SHANK2: variants seen among roughly 807,000 people sequenced by gnomAD.
SHANK2 encodes SH3 and multiple ankyrin repeat domains 2.
In SHANK2, 43 loss-of-function variants were observed where a neutral mutation model predicts 133.7. That is an observed-to-expected ratio of 0.32 (90% CI 0.25 to 0.41). The LOEUF is 0.41. SHANK2 is among the 10% of genes least tolerant of loss of function. SHANK2 has a pLI of 1.00. For missense variants in SHANK2, 1,994 were observed against 2,235.8 expected (o/e 0.89, Z 2.18); for synonymous variants, 1,017 against 952.8 (o/e 1.07, Z -1.24).
chr11:71,140,278 C>G (rs1952529984), intron 3 of SHANK2, among the ~76,000 whole-genome samples: 2 of 152,146 alleles, frequency 1.3e-5, no homozygotes, highest in South Asian at 4.1e-4. Context: ...GAGACTAAAC[C>G]CTGAAGAGGC....
chr11:70,653,826 G>GT (rs1461042123), intron 17 of SHANK2, among the ~76,000 whole-genome samples: 3 of 152,122 alleles, frequency 2.0e-5, no homozygotes, highest in Non-Finnish European at 2.9e-5. Flanking sequence ...TAGAGACAGG[G>GT]TTTCACCATG....
chr11:71,189,565 G>GT (rs576567781), intron 2 of SHANK2, among the ~76,000 whole-genome samples: 9 of 152,090 alleles, frequency 5.9e-5, no homozygotes, highest in African/African-American at 1.2e-4. Context: ...ACCCAGCTAA[G>GT]TTTTTTTTAT....
At chr11:70,537,053 T>TG (rs1351223200) in intron 17 of SHANK2, among the ~76,000 whole-genome samples, 1 of 151,842 alleles carries the variant, frequency 6.6e-6, no homozygotes, top group Admixed American at 6.6e-5. Context: ...TGGGGAGGGG[T>TG]GGGGGCACGG....
In SHANK2 at chr11:70,501,927, A is replaced by G. The variant is rs1332845413; in HGVS notation, c.2283T>C (p.Asp761=). 3 of 1,559,816 alleles carry G rather than the reference A, an allele frequency of 1.9e-6. No individual in the cohort carries two copies. Among genetic ancestry groups the G allele is most frequent in the Middle Eastern group, 1.7e-4 (1 of 5,990 alleles). ...GGACCCAGTGGGGCTGCTTACCTTTATCCACTAGTGAGAGGCCCAAAAATT... is the reference window on the plus strand; with the variant it reads ...GGACCCAGTGGGGCTGCTTACCTTTGTCCACTAGTGAGAGGCCCAAAAATT... ...SMTSELEELV[D]KASVRKKKDK... is the part of the protein sequence containing the mutation. Residue 761 remains aspartate (D), a synonymous_variant, in exon 20 of 26, where the codon GAT becomes GAC. Transcript: ENST00000601538.
At chr11:70,498,391 C>T (rs2059003167) in intron 21 of SHANK2, among the ~76,000 whole-genome samples, 1 of 152,188 alleles carries the variant, frequency 6.6e-6, no homozygotes, top group Non-Finnish European at 1.5e-5. Flanking sequence ...GTGCTTGGAC[C>T]CTGGTGGACT....
intron 11 of SHANK2, among the ~76,000 whole-genome samples, chr11:70,888,304 G>GGACTCA (rs1949778774): frequency 6.6e-6 from 1 of 152,210 alleles, no homozygotes; most frequent in East Asian, 1.9e-4. Flanking sequence ...CCTGGCTTGA[G>GGACTCA]GACTCACGAC....
At chr11:70,864,126 G>A (rs782610072) in intron 11 of SHANK2, 2 of 258,144 alleles carry the variant, frequency 7.7e-6, no homozygotes, top group Non-Finnish European at 1.5e-5. Context: ...CTTGAGCTCT[G>A]GTCACCAAGG....
At chr11:70,481,193 A>G (rs1181413437) in intron 25 of SHANK2, among the ~76,000 whole-genome samples, 1 of 152,234 alleles carries the variant, frequency 6.6e-6, no homozygotes, top group Admixed American at 6.5e-5. Flanking sequence ...AGATGCCTCT[A>G]ATATGATGTA....
At chr11:70,592,847 G>A (rs6592642) in intron 17 of SHANK2, among the ~76,000 whole-genome samples, 50,334 of 152,084 alleles carry the variant, frequency 0.33, 9,537 homozygotes, top group African/African-American at 0.52. Flanking sequence ...CCGATGTCCA[G>A]CAGAGGGACA....
intron 11 of SHANK2, chr11:70,865,136 T>C (rs1184182043): frequency 6.6e-6 from 1 of 152,222 alleles, no homozygotes; most frequent in Non-Finnish European, 1.5e-5. Flanking sequence ...TCATGGTACT[T>C]TGCTGCAGTG....
At chr11:70,652,783 C>G (rs2134220444) in intron 17 of SHANK2, among the ~76,000 whole-genome samples, 1 of 152,276 alleles carries the variant, frequency 6.6e-6, no homozygotes, top group East Asian at 1.9e-4. Context: ...GCACTCCAGC[C>G]TGGGCAACAG....
intron 14 of SHANK2, among the ~76,000 whole-genome samples, chr11:70,730,320 T>C (rs892153225): frequency 6.6e-6 from 1 of 152,188 alleles, no homozygotes; most frequent in Admixed American, 6.5e-5. Context: ...ACTCCTGCCC[T>C]TGCACCTGCC....
chr11:70,916,152 AAT>A (rs751234199), intron 10 of SHANK2, among the ~76,000 whole-genome samples: 1 of 152,190 alleles, frequency 6.6e-6, no homozygotes, highest in Non-Finnish European at 1.5e-5. Flanking sequence ...TAAACCGGGC[AAT>A]GTGTCTACCT....
chr11:70,521,219 G>A (rs1268028916), intron 17 of SHANK2, among the ~76,000 whole-genome samples: 11 of 152,134 alleles, frequency 7.2e-5, no homozygotes, highest in Admixed American at 5.2e-4. Flanking sequence ...TGCCATTAAG[G>A]TCATGATCTA....
Position 70,937,328 on chromosome 11 carries a change from C to T in SHANK2, c.1108-40761G>A, listed in dbSNP as rs75215665. On this transcript the variant is annotated intron_variant, in intron 10 of 25. Transcript: ENST00000601538. ...TCCCCAAGTCATGTGGTAACAGGGA[C>T]GTGTCCAAAACAAAAGCCCCAAATG... Among the ~76,000 whole-genome samples, 186 of 152,318 alleles carry T rather than the reference C, an allele frequency of 1.2e-3. 1 individual carries two copies. The highest frequency in any genetic ancestry group is 4.3e-3 in the African/African-American group (179 of 41,580).
At chr11:70,950,095 T>C (rs1555086207) in intron 10 of SHANK2, 1 of 456,546 alleles carries the variant, frequency 2.2e-6, no homozygotes, top group Non-Finnish European at 4.4e-6. Context: ...TTCGCCCTGG[T>C]TACCTAGACT....
rs2058854073 is a variant in SHANK2 at position 70,489,325 on chromosome 11, A to T, written c.2572+3T>A. The stretch of plus-strand genomic sequence containing the variant: ...CAGATTCCAAACCGTAAGGTTCACT[A>T]ACCTGATAGAAAGATTCTGCTGTCT... On this transcript the variant is annotated splice_donor_region_variant and intron_variant, in intron 24 of 25. Transcript: ENST00000601538. The T allele has an allele frequency of 5.0e-6, 8 of 1,613,546 alleles. No individual in the cohort carries two copies. Among genetic ancestry groups the T allele is most frequent in the Non-Finnish European group, 6.8e-6 (8 of 1,179,554 alleles).
At chr11:70,781,584 T>TATATATATATATATA (rs1565311807) in intron 14 of SHANK2, among the ~76,000 whole-genome samples, 1 of 14,502 alleles carries the variant, frequency 6.9e-5, no homozygotes, top group Non-Finnish European at 1.8e-4. Context: ...ATATATATAT[T>TATATATATATATATA]TACTTATTTA....
intron 2 of SHANK2, among the ~76,000 whole-genome samples, chr11:71,186,782 A>G (rs1953681106): frequency 6.6e-6 from 1 of 152,228 alleles, no homozygotes; most frequent in African/African-American, 2.4e-5. Flanking sequence ...CATAGGAGAC[A>G]TCTAACTAGA....
Sources: gnomAD v4.1 joint callset for allele counts (sites outside exome capture counted in the v4.1 genomes callset) on GRCh38, gnomAD v4.1.1 for gene constraint, MANE v1.5 for transcripts, NCBI Gene and HGNC (gene_info 2026-07-23, HGNC 2026-07-21) for gene names.